The following SPTBN4 variants were observed in gnomAD, a reference collection of about 807,000 sequenced individuals.
The protein encoded by SPTBN4 is spectrin beta chain, non-erythrocytic 4.
Under a neutral mutation model 277.8 loss-of-function variants are expected in SPTBN4, and 96 were observed. The ratio of observed to expected loss-of-function variants is 0.35; its 90% CI spans 0.29 to 0.41. The LOEUF (loss-of-function observed/expected upper bound fraction) is 0.41. Among genes scored for constraint, SPTBN4 ranks in the 10% least tolerant of loss-of-function variants. SPTBN4 has a pLI of 1.00. For missense variants in SPTBN4, 3,006 were observed against 3,595.7 expected (o/e 0.84, Z 4.19); for synonymous variants, 1,481 against 1,580.3 (o/e 0.94, Z 1.49).
rs1248620806 is a variant in SPTBN4, at chr19:40,501,900, C to G, written c.785-21C>G. The G allele has an allele frequency of 4.3e-6, 7 of 1,609,230 alleles. No homozygotes were observed. The Admixed American group carries it at 1.2e-4, about 27-fold the overall frequency. ...GTCAAAGTGCCCACTGTCTTGTTTC[C>G]CCACTCCCTCTTGCTTCCAGATGTG... On this transcript the variant is annotated intron_variant, in intron 7 of 35. Coordinates refer to ENST00000598249, the MANE Select transcript of SPTBN4 (RefSeq NM_020971.3).
At chr19:40,526,855 C>T (rs978366602) in intron 17 of SPTBN4, among the ~76,000 whole-genome samples, 2 of 152,162 alleles carry the variant, frequency 1.3e-5, no homozygotes, top group South Asian at 2.1e-4. Context: ...CCCCAAAGTG[C>T]TCGGATTACA....
chr19:40,524,544 A>G (rs774542886), intron 17 of SPTBN4: 5 of 453,806 alleles, frequency 1.1e-5, no homozygotes, highest in Non-Finnish European at 2.2e-5. Context: ...ACTTCCCTAG[A>G]TGCCTCATTA....
At chr19:40,523,674 G>A (rs375505948) in intron 17 of SPTBN4, 35 bp downstream of exon 17, 454 of 1,565,134 alleles carry the variant, frequency 2.9e-4, no homozygotes, top group Non-Finnish European at 3.9e-4. Context: ...CCAGGGAGGG[G>A]GCAGAAGATG....
chr19:40,497,713 CCTCTCCAAATCCCAACT>C, intron 7 of SPTBN4, 109 bp downstream of exon 7: 1 of 875,040 alleles, frequency 1.1e-6, no homozygotes. Context: ...AATCCTGAGG[CCTCTCCAAATCCCAACT>C]CTTTCCAAAT....
At chr19:40,559,003 C>T (rs2081014822) in intron 26 of SPTBN4, among the ~76,000 whole-genome samples, 1 of 151,350 alleles carries the variant, frequency 6.6e-6, no homozygotes, top group Admixed American at 6.6e-5. Context: ...CTAATCTCGG[C>T]TCACTGCAAC....
intron 19 of SPTBN4, 55 bp from the exon 20 acceptor site, chr19:40,534,025 C>G: frequency 6.5e-7 from 1 of 1,530,542 alleles, no homozygotes; most frequent in Non-Finnish European, 8.8e-7. Context: ...TTCTCTGATT[C>G]TCCCCACCAT....
chr19:40,524,345 T>TAAA (rs879363418), intron 17 of SPTBN4, among the ~76,000 whole-genome samples: 1 of 132,204 alleles, frequency 7.6e-6, no homozygotes, highest in Non-Finnish European at 1.6e-5. Flanking sequence ...TCTCTAAAAT[T>TAAA]AAAAAAAAAA....
intron 16 of SPTBN4, among the ~76,000 whole-genome samples, chr19:40,522,821 C>G (rs1232596300): frequency 6.6e-6 from 1 of 151,978 alleles, no homozygotes; most frequent in Non-Finnish European, 1.5e-5. Context: ...TTGCCAGGTA[C>G]ATGCTATGAG....
In SPTBN4 at chr19:40,523,810, A is replaced by AT. The variant is rs112767272; in HGVS notation, c.3857+182dup. ...GTTGTCTTAGATTTGATTTAAGTGG[A>AT]TTTTTTTTTTTGAGACGGGGTCTCA... On this transcript the variant is annotated intron_variant, in intron 17 of 35. Coordinates refer to ENST00000598249, the MANE Select transcript of SPTBN4 (RefSeq NM_020971.3). Among the ~76,000 whole-genome samples the AT allele has an allele frequency of 0.019, 2,753 of 147,388 alleles. 26 individuals carry two copies. The highest frequency in any genetic ancestry group is 0.024 in the Non-Finnish European group (1,624 of 66,596).
intron 24 of SPTBN4, 145 bp from the exon 25 acceptor site, chr19:40,555,936 AAAG>A: frequency 5.7e-6 from 4 of 698,444 alleles, no homozygotes; most frequent in Non-Finnish European, 9.3e-6. Flanking sequence ...AGAAAAAAGA[AAAG>A]AAAACAGAGC....
chr19:40,504,152 G>GGCCCCCCC lies in SPTBN4; in HGVS notation c.1665+20_1665+21insGCCCCCCC. On this transcript the variant is annotated intron_variant, in intron 12 of 35. Transcript: ENST00000598249. ...ATGCAGGTGCCGGCGGGGGGGCGGG[G>GGCCCCCCC]ATGCGGGTGGAGTGCCAGGAGGGAG... The GGCCCCCCC allele has an allele frequency of 1.1e-6, 1 of 877,206 alleles. No homozygotes were observed. Among genetic ancestry groups the GGCCCCCCC allele is most frequent in the Non-Finnish European group, 1.8e-6 (1 of 566,484 alleles). The allele number at this position is 877,206 out of a possible 1,614,324, so 54.3% of individuals were successfully genotyped here.
intron 16 of SPTBN4, among the ~76,000 whole-genome samples, chr19:40,521,263 A>G (rs977737003): frequency 3.3e-5 from 5 of 152,162 alleles, no homozygotes; most frequent in African/African-American, 1.2e-4. Flanking sequence ...GGTTTTCTGG[A>G]AGACAATTTT....
intron 35 of SPTBN4, among the ~76,000 whole-genome samples, chr19:40,574,853 A>G (rs2081186142): frequency 6.6e-6 from 1 of 151,984 alleles, no homozygotes; most frequent in African/African-American, 2.4e-5. Context: ...CATCTCTACT[A>G]AAAATACAAA....
chr19:40,576,447 C>T lies in SPTBN4; in HGVS notation c.*878C>T, dbSNP rs2081204055. 1 of 155,054 alleles carries T rather than the reference C, an allele frequency of 6.4e-6. No homozygotes were observed. The highest frequency in any genetic ancestry group is 6.5e-5 in the Admixed American group (1 of 15,286). 9.6% of individuals were successfully genotyped at this position (155,054 alleles called of 1,614,324 possible). A position where few individuals can be genotyped will look rare whatever the true frequency, so the allele number is the denominator to read the frequency against. On this transcript the variant is annotated 3_prime_UTR_variant, in exon 36 of 36. Coordinates refer to ENST00000598249, the MANE Select transcript of SPTBN4 (RefSeq NM_020971.3). ...CACACTGTATGTACCTATAATAAAC[C>T]CTTTGGCTTTGACGGTCTATGGTCC...
chr19:40,489,623 A>G (rs1384283197), intron 3 of SPTBN4, among the ~76,000 whole-genome samples: 1 of 152,156 alleles, frequency 6.6e-6, no homozygotes, highest in Non-Finnish European at 1.5e-5. Context: ...CCTCGCCTCA[A>G]GTGAACCACC....
chr19:40,482,277 C>T (rs1001477350), intron 2 of SPTBN4, among the ~76,000 whole-genome samples: 7 of 151,956 alleles, frequency 4.6e-5, no homozygotes, highest in Middle Eastern at 3.2e-3. Context: ...GGCTATGTTG[C>T]CAAGGCTGGT....
rs772105129 is a variant in SPTBN4, at chr19:40,560,319, C to A, written c.5831C>A (p.Ala1944Asp). ...ARLHVSSTAD[A>D]LRFHSQVRDL... ...CTGCATGTCAGCTCCACAGCCGACG[C>A]CCTGCGCTTCCACAGCCAAGTCCGC... is the stretch of plus-strand genomic sequence containing the variant. The change falls in exon 27 of 36, where the codon GCC becomes GAC. Residue 1944 changes from alanine to aspartate, a missense_variant. By Grantham distance (126) the Ala-to-Asp change is moderately radical (BLOSUM62 -2). Coordinates refer to ENST00000598249, the MANE Select transcript of SPTBN4 (RefSeq NM_020971.3). This position sits in a 1 kb window ranked among gnomAD's most constrained non-coding sequence, Gnocchi z 5.2. 6.2e-7 allele frequency: 1 copy of A among 1,614,114 alleles called. No individual in the cohort carries two copies. The highest frequency in any genetic ancestry group is 1.1e-5 in the South Asian group (1 of 91,084).
intron 13 of SPTBN4, among the ~76,000 whole-genome samples, chr19:40,508,675 G>A (rs1013591194): frequency 1.3e-5 from 2 of 152,122 alleles, no homozygotes; most frequent in African/African-American, 4.8e-5. Context: ...GCAACAGAGC[G>A]AGACCTCATC....
At chr19:40,505,287 A>T (rs2080312682) in intron 12 of SPTBN4, among the ~76,000 whole-genome samples, 2 of 145,158 alleles carry the variant, frequency 1.4e-5, no homozygotes, top group African/African-American at 5.1e-5. Flanking sequence ...GCTACTCTGA[A>T]GTGGGAGGAT....
Sources: gnomAD v4.1 joint callset for allele counts (sites outside exome capture counted in the v4.1 genomes callset) on GRCh38, gnomAD v4.1.1 for gene constraint, Gnocchi (gnomAD v3.1) non-coding constraint, MANE v1.5 for transcripts, NCBI Gene and HGNC (gene_info 2026-07-23, HGNC 2026-07-21) for gene names.